Variants in SAMMSON observed in about 807,000 individuals in gnomAD.
The protein encoded by SAMMSON is survival associated mitochondrial melanoma specific oncogenic non-coding RNA.
At chr3:70,218,247 G>A (rs568034582) in intron 4 of SAMMSON, among the ~76,000 whole-genome samples, 2 of 152,218 alleles carry the variant, frequency 1.3e-5, no homozygotes, top group South Asian at 4.1e-4. Flanking sequence ...ATCCTAATAT[G>A]ATAACTATTT....
chr3:70,013,324 C>G (rs988278193), intron 2 of SAMMSON, among the ~76,000 whole-genome samples: 1 of 152,060 alleles, frequency 6.6e-6, no homozygotes, highest in Non-Finnish European at 1.5e-5. Context: ...GTAGCCTCCT[C>G]AAAGGTTGTT....
intron 4 of SAMMSON, among the ~76,000 whole-genome samples, chr3:70,147,253 C>G (rs1191280899): frequency 5.3e-5 from 8 of 151,902 alleles, no homozygotes; most frequent in Non-Finnish European, 8.8e-5. Context: ...CCTAATTGAT[C>G]TATAGATTTA....
At chr3:70,307,421 T>C (rs905040810) in intron 7 of SAMMSON, among the ~76,000 whole-genome samples, 1 of 152,130 alleles carries the variant, frequency 6.6e-6, no homozygotes, top group Non-Finnish European at 1.5e-5. Context: ...TCAAATGGTG[T>C]AAGCTACAGG....
chr3:70,299,570 G>A (rs557229834), intron 7 of SAMMSON, among the ~76,000 whole-genome samples: 2 of 152,216 alleles, frequency 1.3e-5, no homozygotes, highest in Admixed American at 6.5e-5. Flanking sequence ...CCATGGCCAA[G>A]GCTCGTTGGA....
chr3:70,359,543 A>G (rs965838957), intron 9 of SAMMSON, among the ~76,000 whole-genome samples: 4 of 152,212 alleles, frequency 2.6e-5, no homozygotes. Context: ...GAGATCAGAA[A>G]GAGCGCTTAA....
At chr3:70,151,105 T>TGGAG (rs111593404) in intron 4 of SAMMSON, among the ~76,000 whole-genome samples, 145,347 of 151,936 alleles carry the variant, frequency 0.96, 69,619 homozygotes, top group Admixed American at 0.98. Flanking sequence ...GAGAATTTAA[T>TGGAG]GGAACTGGTT....
intron 4 of SAMMSON, chr3:70,183,347 A>G (rs1576146565): frequency 6.6e-6 from 1 of 152,220 alleles, no homozygotes; most frequent in Admixed American, 6.5e-5. Context: ...CTCTGTTCTC[A>G]GTGGCTCGTG....
At chr3:70,423,561 C>T (rs1190770386) in intron 2 of SAMMSON, among the ~76,000 whole-genome samples, 1 of 152,144 alleles carries the variant, frequency 6.6e-6, no homozygotes, top group African/African-American at 2.4e-5. Context: ...TTTAATTTCT[C>T]TCTCAGCTAT....
At chr3:70,216,509 T>C (rs7653103) in intron 4 of SAMMSON, among the ~76,000 whole-genome samples, 151,563 of 152,128 alleles carry the variant, frequency 1, 75,503 homozygotes, top group East Asian at 1. Flanking sequence ...GTCACATAAC[T>C]AGTAAGTGAT....
At chr3:70,190,388 A>T (rs1286568144) in intron 4 of SAMMSON, among the ~76,000 whole-genome samples, 5 of 152,032 alleles carry the variant, frequency 3.3e-5, no homozygotes, top group Non-Finnish European at 7.4e-5. Flanking sequence ...CACTTTAATC[A>T]TGTAATCTCC....
intron 4 of SAMMSON, among the ~76,000 whole-genome samples, chr3:70,166,493 A>G (rs999508577): frequency 1.3e-5 from 2 of 151,992 alleles, no homozygotes; most frequent in East Asian, 1.9e-4. Flanking sequence ...GAACAAGATA[A>G]CACAATAGTT....
chr3:70,324,359 C>T (rs1418539312), intron 7 of SAMMSON, among the ~76,000 whole-genome samples: 1 of 152,032 alleles, frequency 6.6e-6, no homozygotes, highest in African/African-American at 2.4e-5. Context: ...CCCTGAAGGT[C>T]TGTATTACCA....
chr3:70,256,882 A>T (rs550361763), intron 6 of SAMMSON, among the ~76,000 whole-genome samples: 1 of 152,306 alleles, frequency 6.6e-6, no homozygotes, highest in Admixed American at 6.5e-5. Flanking sequence ...ACTTCTGTAG[A>T]TGGATGCTTG....
intron 3 of SAMMSON, chr3:70,030,320 T>C (rs2067059238): frequency 6.6e-6 from 1 of 152,222 alleles, no homozygotes; most frequent in South Asian, 2.1e-4. Context: ...TTCTTCTTTG[T>C]CAATTTTCTT....
At chr3:70,248,204 G>A (rs1450305935) in intron 4 of SAMMSON, among the ~76,000 whole-genome samples, 1 of 152,032 alleles carries the variant, frequency 6.6e-6, no homozygotes. Flanking sequence ...TAATTGCAAA[G>A]CATTGTAGTT....
At chr3:70,357,307 C>T (rs1032208290) in intron 8 of SAMMSON, among the ~76,000 whole-genome samples, 1 of 152,020 alleles carries the variant, frequency 6.6e-6, no homozygotes, top group African/African-American at 2.4e-5. Flanking sequence ...CTCAGGAAAG[C>T]ATCTTTTTGG....
intron 7 of SAMMSON, among the ~76,000 whole-genome samples, chr3:70,309,349 A>G (rs769595408): frequency 2.0e-5 from 3 of 152,192 alleles, no homozygotes; most frequent in Admixed American, 6.6e-5. Flanking sequence ...AAATACTATA[A>G]AAAGCATTGT....
chr3:70,365,297 A>G (rs1005215991), intron 9 of SAMMSON, among the ~76,000 whole-genome samples: 1 of 151,458 alleles, frequency 6.6e-6, no homozygotes, highest in Non-Finnish European at 1.5e-5. Flanking sequence ...TCTCATTGCC[A>G]TTGGAGTGTG....
At chr3:70,149,636 A>ACTTTG (rs1426391524) in intron 4 of SAMMSON, among the ~76,000 whole-genome samples, 2 of 152,022 alleles carry the variant, frequency 1.3e-5, no homozygotes, top group African/African-American at 2.4e-5. Context: ...CGTACAGTTA[A>ACTTTG]CTTTGCTTCT....
Sources: gnomAD v4.1 joint callset for allele counts (sites outside exome capture counted in the v4.1 genomes callset) on GRCh38, gnomAD v4.1.1 for gene constraint, MANE v1.5 for transcripts, NCBI Gene and HGNC (gene_info 2026-07-23, HGNC 2026-07-21) for gene names.